Variants in RIMBP2 observed in about 807,000 individuals in gnomAD.
The protein encoded by RIMBP2 is RIMS-binding protein 2.
RIMBP2 carries 48 observed loss-of-function variants against 118.6 expected under a neutral mutation model. The observed-to-expected ratio is 0.40, with a 90% CI of 0.32 to 0.51. The LOEUF (loss-of-function observed/expected upper bound fraction) is 0.51, where lower values mean the gene tolerates loss of function less well. RIMBP2 is among the 20% of genes least tolerant of loss of function. RIMBP2 has a pLI of 0.41. For synonymous variants in RIMBP2, 762 were observed against 742.9 expected, an observed-to-expected ratio of 1.03 and a Z score of -0.42; for missense variants, 1,551 against 1,768.3, an observed-to-expected ratio of 0.88 and a Z score of 2.20.
intron 2 of RIMBP2, among the ~76,000 whole-genome samples, chr12:130,553,509 C>T (rs1391009407): frequency 3.3e-5 from 5 of 151,896 alleles, no homozygotes; most frequent in African/African-American, 7.3e-5. Flanking sequence ...ATTAGGAGGC[C>T]GAGGCAGGTG....
chr12:130,664,465 A>ACACACACATGCACGCGCACACACACATG (rs74195662), intron 1 of RIMBP2, among the ~76,000 whole-genome samples: 2 of 122,716 alleles, frequency 1.6e-5, no homozygotes, highest in African/African-American at 2.9e-5. Flanking sequence ...ATGCACGCAC[A>ACACACACATGCACGCGCACACACACATG]CACACGCACG....
At position 130,397,092 on chromosome 12, in the gene RIMBP2, A is replaced by G. The variant is rs1236681748; in HGVS notation, c.*269T>C. 4.0e-6 allele frequency: 1 copy of G among 252,044 alleles called. No homozygotes were observed. Among genetic ancestry groups the G allele is most frequent in the African/African-American group, 2.2e-5 (1 of 45,360 alleles). The allele number at this position is 252,044 out of a possible 1,614,324, so 15.6% of individuals were successfully genotyped here. ...AGGGAGGGAGCTACAGGTGATAGCT[A>G]TGCGCCCCCGTTTGTTAATAAGACG... On this transcript the variant is annotated 3_prime_UTR_variant, in exon 23 of 23. Transcript: ENST00000690449.
At chr12:130,639,757 T>A (rs2062531702) in intron 1 of RIMBP2, among the ~76,000 whole-genome samples, 1 of 152,196 alleles carries the variant, frequency 6.6e-6, no homozygotes, top group African/African-American at 2.4e-5. Flanking sequence ...AACTATTTTG[T>A]TGAATGAAGT....
At chr12:130,433,689 C>T in intron 14 of RIMBP2, among the ~76,000 whole-genome samples, 1 of 152,160 alleles carries the variant, frequency 6.6e-6, no homozygotes, top group Admixed American at 6.5e-5. Context: ...GGAAGTCTGG[C>T]TTCCGTCCAT....
intron 1 of RIMBP2, among the ~76,000 whole-genome samples, chr12:130,689,860 C>T (rs1319923621): frequency 6.6e-6 from 1 of 152,220 alleles, no homozygotes; most frequent in Non-Finnish European, 1.5e-5. Flanking sequence ...GGTCAGGCGT[C>T]TGGGCAGGCT....
intron 2 of RIMBP2, among the ~76,000 whole-genome samples, chr12:130,605,052 G>A (rs1305970755): frequency 6.6e-6 from 1 of 151,974 alleles, no homozygotes; most frequent in South Asian, 2.1e-4. Flanking sequence ...ACACAGCCTC[G>A]GGGTGCGGTA....
At chr12:130,711,540 A>G (rs1327050063) in intron 1 of RIMBP2, among the ~76,000 whole-genome samples, 1 of 152,140 alleles carries the variant, frequency 6.6e-6, no homozygotes, top group African/African-American at 2.4e-5. Flanking sequence ...TTTTTTGAAG[A>G]TGCTATTTGG....
chr12:130,675,510 C>G (rs2064415680), intron 1 of RIMBP2, among the ~76,000 whole-genome samples: 1 of 152,190 alleles, frequency 6.6e-6, no homozygotes. Context: ...ATGCCCAGGC[C>G]TCCTTCCTGT....
At chr12:130,605,237 G>A (rs1337291987) in intron 2 of RIMBP2, among the ~76,000 whole-genome samples, 2 of 152,212 alleles carry the variant, frequency 1.3e-5, no homozygotes. Context: ...TGGGAGTGGA[G>A]GGTGGGTAGG....
At chr12:130,564,892 A>G (rs2057104285) in intron 2 of RIMBP2, among the ~76,000 whole-genome samples, 2 of 152,194 alleles carry the variant, frequency 1.3e-5, no homozygotes, top group Admixed American at 6.5e-5. Context: ...TACCACACAC[A>G]CACAGAACAA....
intron 1 of RIMBP2, among the ~76,000 whole-genome samples, chr12:130,690,925 C>T (rs181316855): frequency 6.6e-6 from 1 of 152,028 alleles, no homozygotes; most frequent in Admixed American, 6.6e-5. Context: ...CACAGGGAAG[C>T]CTGGTGAGGG....
At position 130,399,544 on chromosome 12, in the gene RIMBP2, C is replaced by A. The variant is rs990937573; in HGVS notation, c.3900+135G>T. The A allele has an allele frequency of 1.0e-5, 10 of 976,100 alleles. 1 individual carries two copies. The highest frequency in any genetic ancestry group is 2.5e-5 in the East Asian group (1 of 40,612). The allele number at this position is 976,100 out of a possible 1,614,324, so 60.5% of individuals were successfully genotyped here. A position where few individuals can be genotyped will look rare whatever the true frequency, so the allele number is the denominator to read the frequency against. ...TTTTTAGGTACAACTCCCATGGCTT[C>A]AGGGCAGAGAAAAAAAATTCAGGGT... is the stretch of plus-strand genomic sequence containing the variant. On this transcript the variant is annotated intron_variant, in intron 22 of 22. Transcript: ENST00000690449.
chr12:130,465,847 C>G (rs1399421060), intron 6 of RIMBP2: 1 of 152,324 alleles, frequency 6.6e-6, no homozygotes, highest in Non-Finnish European at 1.5e-5. Flanking sequence ...CCAGTACGCT[C>G]TACAGGCAGG....
chr12:130,568,404 G>A (rs941261047), intron 2 of RIMBP2, among the ~76,000 whole-genome samples: 1 of 152,230 alleles, frequency 6.6e-6, no homozygotes, highest in South Asian at 2.1e-4. Context: ...TGGATCAGTG[G>A]TAACCCTAAG....
At chr12:130,593,041 G>A (rs1165678638) in intron 2 of RIMBP2, among the ~76,000 whole-genome samples, 1 of 152,176 alleles carries the variant, frequency 6.6e-6, no homozygotes, top group South Asian at 2.1e-4. Context: ...AATCCACATC[G>A]CATCATTCAG....
chr12:130,486,695 A>T (rs2082513119), intron 4 of RIMBP2, among the ~76,000 whole-genome samples: 1 of 146,690 alleles, frequency 6.8e-6, no homozygotes, highest in African/African-American at 2.6e-5. Flanking sequence ...GCCTTGTTCA[A>T]CATCCAGATC....
rs1267170959 is a variant in RIMBP2, at chr12:130,631,855, A to G, written c.-351-3399T>C. Among the ~76,000 whole-genome samples, 3 of 152,184 alleles carry G rather than the reference A, an allele frequency of 2.0e-5. No individual in the cohort carries two copies. The East Asian group carries it at 5.8e-4, about 29-fold the overall frequency. On this transcript the variant is annotated intron_variant, in intron 1 of 22. Transcript: ENST00000690449. Reference sequence around the variant, plus strand: ...TTAATTTTTCAAATTACATGCATGCACTTTCAAGTTATAAACTACTGTTGC... The same window carrying G: ...TTAATTTTTCAAATTACATGCATGCGCTTTCAAGTTATAAACTACTGTTGC...
chr12:130,639,838 T>G (rs1368639375), intron 1 of RIMBP2, among the ~76,000 whole-genome samples: 2 of 152,182 alleles, frequency 1.3e-5, no homozygotes, highest in African/African-American at 4.8e-5. Context: ...AAAGCCGAGA[T>G]GAAAACCTCC....
intron 1 of RIMBP2, among the ~76,000 whole-genome samples, chr12:130,687,821 G>T (rs1293472466): frequency 6.6e-6 from 1 of 152,124 alleles, no homozygotes; most frequent in East Asian, 1.9e-4. Context: ...TCATTGATTT[G>T]CAAATGTTCA....
Sources: gnomAD v4.1 joint callset for allele counts (sites outside exome capture counted in the v4.1 genomes callset) on GRCh38, gnomAD v4.1.1 for gene constraint, MANE v1.5 for transcripts, NCBI Gene and HGNC (gene_info 2026-07-23, HGNC 2026-07-21) for gene names.